WDR7: variants seen among roughly 807,000 people sequenced by gnomAD.
WDR7 encodes WD repeat domain 7.
WDR7 carries 46 observed loss-of-function variants against 169.4 expected under a neutral mutation model. The ratio of observed to expected loss-of-function variants is 0.27; its 90% CI spans 0.21 to 0.35. WDR7 has a LOEUF of 0.35. Ranked by LOEUF, WDR7 falls within the 10% of genes least tolerant of loss-of-function variation. WDR7 has a pLI of 1.00. For synonymous variants in WDR7, 612 were observed against 666.8 expected, an observed-to-expected ratio of 0.92 and a Z score of 1.27; for missense variants, 1,534 against 1,859.3, an observed-to-expected ratio of 0.83 and a Z score of 3.22.
intron 14 of WDR7, among the ~76,000 whole-genome samples, chr18:56,736,147 C>G (rs1395962356): frequency 6.6e-6 from 1 of 152,066 alleles, no homozygotes; most frequent in Non-Finnish European, 1.5e-5. Context: ...AACTTTAAAA[C>G]AAAATTCAAA....
At chr18:56,713,653 G>A (rs1199019625) in intron 12 of WDR7, among the ~76,000 whole-genome samples, 3 of 152,072 alleles carry the variant, frequency 2.0e-5, no homozygotes, top group Admixed American at 2.0e-4. Flanking sequence ...TCATGTTTAG[G>A]TGACTTTTCG....
At chr18:56,842,649 A>G (rs1420567594) in intron 20 of WDR7, among the ~76,000 whole-genome samples, 5 of 152,224 alleles carry the variant, frequency 3.3e-5, no homozygotes, top group Non-Finnish European at 7.3e-5. Context: ...CCATTGAAGT[A>G]TGCTAAATAT....
intron 5 of WDR7, 61 bp from the exon 6 acceptor site, chr18:56,685,895 A>C: frequency 3.8e-6 from 5 of 1,318,042 alleles, no homozygotes; most frequent in Non-Finnish European, 5.3e-6. Context: ...ACATCTTAAT[A>C]TTTAGAAAAA....
chr18:57,014,589 G>T (rs979915408), intron 26 of WDR7, among the ~76,000 whole-genome samples: 2 of 149,586 alleles, frequency 1.3e-5, no homozygotes, highest in African/African-American at 4.9e-5. Context: ...CCTGAGATGC[G>T]GAGGTTGCAG....
intron 19 of WDR7, among the ~76,000 whole-genome samples, chr18:56,797,320 G>A (rs2044600986): frequency 6.6e-6 from 1 of 152,068 alleles, no homozygotes; most frequent in African/African-American, 2.4e-5. Context: ...GGCCCAAAGA[G>A]ATTACATTTG....
chr18:56,915,101 A>G (rs1046080254), intron 21 of WDR7, among the ~76,000 whole-genome samples: 1 of 152,208 alleles, frequency 6.6e-6, no homozygotes, highest in African/African-American at 2.4e-5. Flanking sequence ...AAAAGAAATG[A>G]CTTATTTTTA....
At chr18:56,711,902 AAG>A (rs2026094160) in intron 12 of WDR7, among the ~76,000 whole-genome samples, 1 of 152,130 alleles carries the variant, frequency 6.6e-6, no homozygotes, top group African/African-American at 2.4e-5. Flanking sequence ...GATAATGATT[AAG>A]AGAATAGTGG....
At chr18:56,836,238 T>C (rs918370649) in intron 20 of WDR7, among the ~76,000 whole-genome samples, 36 of 152,192 alleles carry the variant, frequency 2.4e-4, no homozygotes, top group Non-Finnish European at 5.0e-4. Flanking sequence ...TTTCCTCTCA[T>C]GTCTGGCCAG....
Position 56,880,149 on chromosome 18 carries a change from G to T in WDR7, c.3510G>T (p.Ser1170=). ...TGACTAGTGGTGGATCCAACTACTCGCTGGCCAGACATACTTGTAAGTTTT... is the reference window on the plus strand; with the variant it reads ...TGACTAGTGGTGGATCCAACTACTCTCTGGCCAGACATACTTGTAAGTTTT... ...FGLTSGGSNY[S]LARHTCKALT... Residue 1170 remains serine (S), a synonymous_variant, in exon 21 of 28, where the codon TCG becomes TCT. Coordinates refer to ENST00000254442, the MANE Select transcript of WDR7 (RefSeq NM_015285.3). The T allele has an allele frequency of 2.5e-6, 4 of 1,613,686 alleles. No homozygotes were observed. Among genetic ancestry groups the T allele is most frequent in the Non-Finnish European group, 3.4e-6 (4 of 1,179,852 alleles).
intron 20 of WDR7, among the ~76,000 whole-genome samples, chr18:56,866,922 T>G (rs2045889961): frequency 6.6e-6 from 1 of 152,228 alleles, no homozygotes; most frequent in South Asian, 2.1e-4. Flanking sequence ...TACACTCATT[T>G]GATCTTTACA....
intron 21 of WDR7, among the ~76,000 whole-genome samples, chr18:56,889,597 C>T (rs1410464647): frequency 2.6e-5 from 4 of 152,138 alleles, no homozygotes; most frequent in African/African-American, 9.7e-5. Flanking sequence ...AAATTGAGGG[C>T]ATAGGTTAAA....
At chr18:56,680,675 T>A (rs1036327234) in intron 3 of WDR7, among the ~76,000 whole-genome samples, 2 of 152,266 alleles carry the variant, frequency 1.3e-5, no homozygotes, top group Non-Finnish European at 2.9e-5. Context: ...CAATGTTATA[T>A]CTTTCAATCT....
intron 16 of WDR7, among the ~76,000 whole-genome samples, chr18:56,775,370 A>G (rs775144100): frequency 1.4e-4 from 22 of 152,140 alleles, no homozygotes; most frequent in Non-Finnish European, 2.9e-4. Flanking sequence ...AACTTTTTGC[A>G]TGGAGGATGA....
intron 26 of WDR7, among the ~76,000 whole-genome samples, chr18:56,979,366 C>T (rs2047610208): frequency 6.6e-6 from 1 of 152,110 alleles, no homozygotes. Flanking sequence ...GCTAAACCAC[C>T]CAGCCAGAAT....
chr18:56,931,531 A>G (rs1383148470), intron 22 of WDR7, among the ~76,000 whole-genome samples: 2 of 152,060 alleles, frequency 1.3e-5, no homozygotes, highest in African/African-American at 4.8e-5. Flanking sequence ...TGGAGCTACC[A>G]CCATGTCCAG....
chr18:56,719,078 C>A (rs2026257638), intron 13 of WDR7, among the ~76,000 whole-genome samples: 1 of 152,202 alleles, frequency 6.6e-6, no homozygotes, highest in Non-Finnish European at 1.5e-5. Flanking sequence ...GTCTGTCAAA[C>A]TTCCTTGCTT....
chr18:56,971,602 C>T (rs1185758349), intron 26 of WDR7, among the ~76,000 whole-genome samples: 6 of 152,024 alleles, frequency 3.9e-5, no homozygotes, highest in Non-Finnish European at 4.4e-5. Flanking sequence ...AGAGCACTAC[C>T]CCAGATTTGT....
intron 26 of WDR7, among the ~76,000 whole-genome samples, chr18:56,962,833 G>A (rs140740295): frequency 6.6e-6 from 1 of 152,088 alleles, no homozygotes; most frequent in Non-Finnish European, 1.5e-5. Flanking sequence ...TTTTTGCCAT[G>A]TGTTTTCTGA....
chr18:56,694,750 A>C lies in WDR7; in HGVS notation c.1098A>C (p.Gly366=). 1 of 1,609,060 alleles carries C rather than the reference A, an allele frequency of 6.2e-7. No homozygotes were observed. Among genetic ancestry groups the C allele is most frequent in the Non-Finnish European group, 8.5e-7 (1 of 1,178,260 alleles). The change falls in exon 10 of 28, where the codon GGA becomes GGC. Residue 366 remains glycine (G), a synonymous_variant. Transcript: ENST00000254442. ...TATCAGACACAGCTGATAAACAGGGAAGTGAAGAAGGTAATAGTAAATCAT... is the reference window on the plus strand; with the variant it reads ...TATCAGACACAGCTGATAAACAGGGCAGTGAAGAAGGTAATAGTAAATCAT... The part of the protein sequence containing the change: ...WNISDTADKQ[G]SEEGLAMTTS...
Sources: allele counts gnomAD v4.1 joint callset (sites outside exome capture counted in the v4.1 genomes callset), GRCh38; gene constraint gnomAD v4.1.1; transcripts MANE v1.5; gene names NCBI Gene and HGNC (gene_info 2026-07-23, HGNC 2026-07-21).